The following SYTL3 variants were observed in gnomAD, a reference collection of about 807,000 sequenced individuals.
SYTL3 encodes the protein synaptotagmin-like protein 3.
SYTL3 carries 88 observed loss-of-function variants against 82.1 expected under a neutral mutation model. That is an observed-to-expected ratio of 1.07 (90% CI 0.90 to 1.28). The LOEUF is 1.28. Ranked by LOEUF, SYTL3 falls within the 50% of genes most tolerant of loss-of-function variation. SYTL3 has a pLI of 0.00. For missense variants in SYTL3, 831 were observed against 757.6 expected (o/e 1.10, Z -1.14); for synonymous variants, 311 against 289.4 (o/e 1.07, Z -0.76).
At chr6:158,746,450 A>ATTATTAT (rs1554263734) in intron 12 of SYTL3, among the ~76,000 whole-genome samples, 121 of 63,674 alleles carry the variant, frequency 1.9e-3, no homozygotes, top group African/African-American at 7.7e-3. Flanking sequence ...TATAATAATA[A>ATTATTAT]TAATAATAAT....
intron 11 of SYTL3, among the ~76,000 whole-genome samples, chr6:158,737,085 C>A (rs1271286256): frequency 1.3e-5 from 2 of 150,054 alleles, no homozygotes; most frequent in Non-Finnish European, 3.0e-5. Flanking sequence ...GCTTAGCTTA[C>A]AAAGGTCATC....
chr6:158,750,273 A>G (rs1471925368), intron 12 of SYTL3, among the ~76,000 whole-genome samples: 2 of 152,198 alleles, frequency 1.3e-5, no homozygotes, highest in Non-Finnish European at 1.5e-5. Flanking sequence ...ATAAATATAA[A>G]ATCCAACGTG....
chr6:158,742,530 G>GT (rs1449796289), intron 11 of SYTL3, among the ~76,000 whole-genome samples: 1 of 150,990 alleles, frequency 6.6e-6, no homozygotes, highest in Non-Finnish European at 1.5e-5. Flanking sequence ...CTGAAGGCCA[G>GT]TTTTTTCCTC....
intron 6 of SYTL3, among the ~76,000 whole-genome samples, chr6:158,697,975 A>G (rs932232616): frequency 7.9e-5 from 12 of 152,164 alleles, no homozygotes; most frequent in Middle Eastern, 3.2e-3. Flanking sequence ...TCTGTTAGTA[A>G]TTGTTGCTCC....
intron 7 of SYTL3, among the ~76,000 whole-genome samples, chr6:158,708,109 C>T (rs1782317073): frequency 1.3e-5 from 2 of 152,152 alleles, no homozygotes; most frequent in Admixed American, 6.5e-5. Context: ...AGACTTTAGG[C>T]AGCATCGCCC....
At chr6:158,736,513 A>T (rs1348734928) in intron 11 of SYTL3, among the ~76,000 whole-genome samples, 2 of 152,062 alleles carry the variant, frequency 1.3e-5, no homozygotes, top group East Asian at 1.9e-4. Context: ...CATTGGCTGG[A>T]TGCAGTAGCT....
chr6:158,660,902 A>C (rs1789305668), intron 2 of SYTL3, among the ~76,000 whole-genome samples: 1 of 152,062 alleles, frequency 6.6e-6, no homozygotes, highest in South Asian at 2.1e-4. Context: ...ACAAAATTAA[A>C]ACATTAGCTA....
chr6:158,708,633 G>T (rs1410720302), intron 8 of SYTL3, among the ~76,000 whole-genome samples: 1 of 152,188 alleles, frequency 6.6e-6, no homozygotes, highest in Non-Finnish European at 1.5e-5. Context: ...TGCACCCGAG[G>T]TCTCTTTACT....
chr6:158,676,915 G>A (rs1350190312), intron 5 of SYTL3, among the ~76,000 whole-genome samples: 3 of 152,108 alleles, frequency 2.0e-5, no homozygotes, highest in Non-Finnish European at 4.4e-5. Context: ...AACAGGTGCT[G>A]GAGAGGATGT....
intron 11 of SYTL3, among the ~76,000 whole-genome samples, chr6:158,743,157 A>G (rs1280206655): frequency 1.3e-5 from 2 of 152,154 alleles, no homozygotes; most frequent in Non-Finnish European, 2.9e-5. Flanking sequence ...GTGCAGCGGT[A>G]GTGATTCAAT....
intron 2 of SYTL3, among the ~76,000 whole-genome samples, chr6:158,656,055 C>G (rs1370461939): frequency 6.6e-6 from 1 of 152,098 alleles, no homozygotes; most frequent in Non-Finnish European, 1.5e-5. Context: ...CGGGAGGTCA[C>G]GACTGGGATG....
At chr6:158,722,775 T>G (rs1394256902) in intron 10 of SYTL3, among the ~76,000 whole-genome samples, 7 of 143,120 alleles carry the variant, frequency 4.9e-5, no homozygotes, top group Non-Finnish European at 9.1e-5. Flanking sequence ...TTTTTTTTTT[T>G]TTTTTTTTTT....
rs563217768 is a variant in SYTL3, at chr6:158,673,483, A to G, written c.329+7870A>G. Among the ~76,000 whole-genome samples the G allele has an allele frequency of 9.2e-5, 13 of 141,264 alleles. 1 individual carries two copies. The South Asian group carries it at 2.9e-3, about 31-fold the overall frequency. 92.7% of individuals were successfully genotyped at this position (141,264 alleles called of 152,430 possible). A position where few individuals can be genotyped will look rare whatever the true frequency, so the allele number is the denominator to read the frequency against. On this transcript the variant is annotated intron_variant, in intron 5 of 17. Coordinates refer to ENST00000611299, the MANE Select transcript of SYTL3 (RefSeq NM_001242394.2). ...GAGACGGAGTCTTGCTCTGTTGCCC[A>G]GGCTAGAGTGCAGTGGGGCGATCTC...
At chr6:158,671,806 A>G (rs1022189171) in intron 5 of SYTL3, among the ~76,000 whole-genome samples, 2 of 151,462 alleles carry the variant, frequency 1.3e-5, no homozygotes, top group African/African-American at 4.8e-5. Context: ...TTTTATAATT[A>G]TTATCTATAT....
intron 6 of SYTL3, among the ~76,000 whole-genome samples, chr6:158,700,280 A>G (rs939613831): frequency 1.3e-5 from 2 of 151,962 alleles, no homozygotes; most frequent in Non-Finnish European, 2.9e-5. Context: ...TAAACAAATA[A>G]ACAAAACATT....
At chr6:158,717,620 G>T (rs1026792812) in intron 9 of SYTL3, among the ~76,000 whole-genome samples, 1 of 152,072 alleles carries the variant, frequency 6.6e-6, no homozygotes, top group African/African-American at 2.4e-5. Context: ...TATTATAATT[G>T]TTATGAGGAC....
intron 6 of SYTL3, among the ~76,000 whole-genome samples, chr6:158,694,524 G>A (rs1231913345): frequency 6.6e-6 from 1 of 151,648 alleles, no homozygotes; most frequent in Non-Finnish European, 1.5e-5. Flanking sequence ...TGAACTCCTG[G>A]GCTCAAGTGA....
rs1014757560 is a variant in SYTL3, at chr6:158,757,190, A to G, written c.1138-21A>G. On this transcript the variant is annotated intron_variant, in intron 13 of 17. Coordinates refer to ENST00000611299, the MANE Select transcript of SYTL3 (RefSeq NM_001242394.2). ...GCGGGCCCCGGGAGCCCAGCTGACC[A>G]TCTCTTCCTTGCCTCTGCAGTATCA... 7.5e-6 allele frequency: 12 copies of G among 1,601,494 alleles called. No homozygotes were observed. The Admixed American group carries it at 8.5e-5, about 11-fold the overall frequency.
At chr6:158,712,969 C>T (rs924273410) in intron 8 of SYTL3, among the ~76,000 whole-genome samples, 1 of 151,970 alleles carries the variant, frequency 6.6e-6, no homozygotes, top group African/African-American at 2.4e-5. Context: ...CACGTGTTAG[C>T]CAGGATGGTC....
Sources: gnomAD v4.1 joint callset for allele counts (sites outside exome capture counted in the v4.1 genomes callset) on GRCh38, gnomAD v4.1.1 for gene constraint, MANE v1.5 for transcripts, NCBI Gene and HGNC (gene_info 2026-07-23, HGNC 2026-07-21) for gene names.